SND1: variants seen among roughly 807,000 people sequenced by gnomAD.
SND1 encodes the protein staphylococcal nuclease domain-containing protein 1.
A neutral mutation model predicts 121.7 loss-of-function variants in SND1; 38 were observed. That is an observed-to-expected ratio of 0.31 (90% CI 0.24 to 0.41). The LOEUF (loss-of-function observed/expected upper bound fraction) is 0.41. Ranked by LOEUF, SND1 falls within the 10% of genes least tolerant of loss-of-function variation. The pLI is 1.00. For missense variants in SND1, 868 were observed against 1,184.6 expected (o/e 0.73, Z 3.92); for synonymous variants, 401 against 447.4 (o/e 0.90, Z 1.31).
At chr7:127,815,518 G>A (rs915043286) in intron 11 of SND1, among the ~76,000 whole-genome samples, 3 of 151,990 alleles carry the variant, frequency 2.0e-5, no homozygotes, top group African/African-American at 7.3e-5. Flanking sequence ...GAGGAGGGGA[G>A]AAGAAGAGAA....
intron 20 of SND1, among the ~76,000 whole-genome samples, chr7:128,086,078 T>C (rs1793683058): frequency 6.6e-6 from 1 of 152,206 alleles, no homozygotes; most frequent in African/African-American, 2.4e-5. Flanking sequence ...AGGGCCTCTG[T>C]AGCACATGGA....
chr7:127,833,023 T>C (rs1312963928), intron 11 of SND1, among the ~76,000 whole-genome samples: 1 of 152,154 alleles, frequency 6.6e-6, no homozygotes, highest in Admixed American at 6.5e-5. Context: ...ACAAAATCGG[T>C]CCCTGGTGCC....
intron 12 of SND1, among the ~76,000 whole-genome samples, chr7:127,878,783 G>A (rs1799736305): frequency 6.6e-6 from 1 of 152,064 alleles, no homozygotes; most frequent in South Asian, 2.1e-4. Flanking sequence ...GTTTAAGGGG[G>A]AAGTGAAAAA....
chr7:127,843,426 C>T (rs1485774897), intron 11 of SND1, among the ~76,000 whole-genome samples: 1 of 152,200 alleles, frequency 6.6e-6, no homozygotes, highest in Non-Finnish European at 1.5e-5. Flanking sequence ...TAACTCCTGG[C>T]AACCACTGAT....
At chr7:127,911,324 C>G (rs1800449015) in intron 14 of SND1, among the ~76,000 whole-genome samples, 1 of 152,170 alleles carries the variant, frequency 6.6e-6, no homozygotes, top group Non-Finnish European at 1.5e-5. Context: ...TTGGAAAAAA[C>G]TTCAAACTCT....
At chr7:128,056,633 A>G (rs766425573) in intron 16 of SND1, among the ~76,000 whole-genome samples, 13 of 152,348 alleles carry the variant, frequency 8.5e-5, no homozygotes, top group Non-Finnish European at 1.5e-4. Context: ...GTTTTCTGCC[A>G]TCAAGGAGTT....
chr7:127,707,813 T>TGTGTGTGTGTG (rs1796228407), intron 9 of SND1, among the ~76,000 whole-genome samples, 166 bp downstream of exon 9: 2 of 91,700 alleles, frequency 2.2e-5, no homozygotes, highest in African/African-American at 3.9e-5. Flanking sequence ...GTGTGTGTGT[T>TGTGTGTGTGTG]TATTGTAGGG....
chr7:127,818,964 A>G (rs556137798), intron 11 of SND1, among the ~76,000 whole-genome samples: 1 of 152,294 alleles, frequency 6.6e-6, no homozygotes, highest in Non-Finnish European at 1.5e-5. Context: ...TAGCTTTCTG[A>G]TTGAATCTCT....
intron 15 of SND1, 140 bp from the exon 16 acceptor site, chr7:127,990,807 C>T (rs947341019): frequency 9.7e-6 from 6 of 616,746 alleles, no homozygotes; most frequent in African/African-American, 3.7e-5. Context: ...CTCCCATTAC[C>T]TCTGTCTTCG....
intron 15 of SND1, among the ~76,000 whole-genome samples, chr7:127,979,322 C>T (rs1802202482): frequency 6.6e-6 from 1 of 152,212 alleles, no homozygotes; most frequent in Non-Finnish European, 1.5e-5. Context: ...AAGGGTGCGA[C>T]TCACGGATGG....
chr7:128,003,716 G>A (rs996712743), intron 16 of SND1, among the ~76,000 whole-genome samples: 4 of 152,206 alleles, frequency 2.6e-5, no homozygotes, highest in Non-Finnish European at 5.9e-5. Flanking sequence ...GATTGGATAT[G>A]GATTTTTGGC....
chr7:127,990,342 A>G (rs1484404913), intron 15 of SND1, among the ~76,000 whole-genome samples: 1 of 152,204 alleles, frequency 6.6e-6, no homozygotes, highest in East Asian at 1.9e-4. Flanking sequence ...ATATTTCATC[A>G]GTATTCTGAG....
intron 12 of SND1, among the ~76,000 whole-genome samples, chr7:127,886,176 G>A (rs375905231): frequency 2.0e-5 from 3 of 152,040 alleles, no homozygotes; most frequent in Non-Finnish European, 2.9e-5. Flanking sequence ...TGCTAATTCC[G>A]TGGCAGTTTG....
chr7:127,690,917 A>G (rs996433437), intron 2 of SND1, among the ~76,000 whole-genome samples: 8 of 152,164 alleles, frequency 5.3e-5, no homozygotes, highest in Non-Finnish European at 1.0e-4. Context: ...TCGTCTTTCA[A>G]AGAAACTCAG....
intron 11 of SND1, among the ~76,000 whole-genome samples, chr7:127,825,603 C>T (rs142438236): frequency 1.7e-3 from 260 of 151,496 alleles, no homozygotes; most frequent in African/African-American, 5.9e-3. Context: ...GACGGGATTT[C>T]GCCATGTTGG....
intron 13 of SND1, among the ~76,000 whole-genome samples, chr7:127,901,179 G>C (rs1215042698): frequency 6.6e-6 from 1 of 152,210 alleles, no homozygotes; most frequent in Non-Finnish European, 1.5e-5. Context: ...TGGGTTATGT[G>C]AGATGCAGAG....
At chr7:127,953,362 C>G (rs765662909) in intron 15 of SND1, among the ~76,000 whole-genome samples, 2 of 152,026 alleles carry the variant, frequency 1.3e-5, no homozygotes, top group Non-Finnish European at 2.9e-5. Context: ...ATTTTACCAC[C>G]CCACACACTT....
chr7:127,788,063 G>A (rs1797843595), intron 10 of SND1, among the ~76,000 whole-genome samples: 1 of 152,160 alleles, frequency 6.6e-6, no homozygotes, highest in Admixed American at 6.5e-5. Context: ...ATGTTACAAT[G>A]TGGCATGTTT....
At chr7:128,077,597 G>A (rs990757469) in intron 17 of SND1, among the ~76,000 whole-genome samples, 1 of 152,242 alleles carries the variant, frequency 6.6e-6, no homozygotes, top group African/African-American at 2.4e-5. Context: ...ACCAGGGGCA[G>A]AGCTCCACCC....
Sources: allele counts gnomAD v4.1 joint callset (sites outside exome capture counted in the v4.1 genomes callset), GRCh38; gene constraint gnomAD v4.1.1; transcripts MANE v1.5; gene names NCBI Gene and HGNC (gene_info 2026-07-23, HGNC 2026-07-21).